The following ZFAT variants were observed in gnomAD, a reference collection of about 807,000 sequenced individuals.
ZFAT encodes zinc finger and AT-hook domain containing.
ZFAT carries 64 observed loss-of-function variants against 117.7 expected under a neutral mutation model. That is an observed-to-expected ratio of 0.54 (90% CI 0.44 to 0.67). ZFAT has a LOEUF of 0.67. ZFAT is among the 30% of genes least tolerant of loss of function. The pLI is 0.00. For missense variants in ZFAT, 1,433 were observed against 1,584.5 expected (o/e 0.90, Z 1.62); for synonymous variants, 679 against 615.0 (o/e 1.10, Z -1.54).
intron 15 of ZFAT, among the ~76,000 whole-genome samples, chr8:134,487,039 T>A (rs1275337197): frequency 6.6e-6 from 1 of 152,230 alleles, no homozygotes; most frequent in African/African-American, 2.4e-5. Flanking sequence ...TATTTGCATA[T>A]GTCTACGTGG....
the ZFAT span, among the ~76,000 whole-genome samples, chr8:134,741,999 T>C: frequency 6.6e-6 from 1 of 152,104 alleles, no homozygotes; most frequent in African/African-American, 2.4e-5. Context: ...CTGAGAACTG[T>C]GCCTCATCAG....
intron 10 of ZFAT, among the ~76,000 whole-genome samples, chr8:134,566,721 C>A (rs1824497773): frequency 6.6e-6 from 1 of 152,210 alleles, no homozygotes; most frequent in Non-Finnish European, 1.5e-5. Context: ...TTCCCCCTCC[C>A]CTCTATTCAC....
intron 14 of ZFAT, among the ~76,000 whole-genome samples, 173 bp downstream of exon 14, chr8:134,512,302 T>C (rs965345292): frequency 6.6e-6 from 1 of 152,238 alleles, no homozygotes; most frequent in Admixed American, 6.5e-5. Flanking sequence ...AGAGCATTTC[T>C]GGAGGCAGAG....
At chr8:134,687,614 G>A (rs1473108744) in intron 1 of ZFAT, among the ~76,000 whole-genome samples, 5 of 151,890 alleles carry the variant, frequency 3.3e-5, no homozygotes, top group African/African-American at 4.8e-5. Flanking sequence ...GAGGGTACAG[G>A]AACACCCCCT....
the ZFAT span, among the ~76,000 whole-genome samples, chr8:134,726,424 C>A: frequency 1.3e-5 from 2 of 152,158 alleles, no homozygotes; most frequent in African/African-American, 4.8e-5. Flanking sequence ...TGTGCACATG[C>A]TCACTTGAGG....
At chr8:134,649,010 C>A (rs545411932) in intron 2 of ZFAT, among the ~76,000 whole-genome samples, 28 of 151,008 alleles carry the variant, frequency 1.9e-4, no homozygotes, top group African/African-American at 5.6e-4. Flanking sequence ...CATATTAATA[C>A]AACAAATAAG....
intron 11 of ZFAT, among the ~76,000 whole-genome samples, chr8:134,545,954 G>A (rs16905173): frequency 0.016 from 2,495 of 152,268 alleles, 72 homozygotes; most frequent in African/African-American, 0.057. Context: ...TGGGTAAATA[G>A]GCAACAGAGG....
chr8:134,750,969 T>C, the ZFAT span, among the ~76,000 whole-genome samples: 1 of 152,238 alleles, frequency 6.6e-6, no homozygotes, highest in Non-Finnish European at 1.5e-5. Flanking sequence ...CCTAATGCTT[T>C]TTCTGCATCA....
rs570113884 is a variant in ZFAT, at chr8:134,671,693, C to G, written c.20-13956G>C. Among the ~76,000 whole-genome samples the G allele has an allele frequency of 2.2e-3, 329 of 152,288 alleles. 2 individuals are homozygous for G. Among genetic ancestry groups the G allele is most frequent in the African/African-American group, 7.5e-3 (312 of 41,570 alleles). On this transcript the variant is annotated intron_variant, in intron 1 of 15. Coordinates refer to ENST00000377838, the MANE Select transcript of ZFAT (RefSeq NM_020863.4). ...GAAGCATTCCCTTTAAAAACTGGCACAAGACAGGGATGCCCTCTCTCACCA... is the reference window on the plus strand; with the variant it reads ...GAAGCATTCCCTTTAAAAACTGGCAGAAGACAGGGATGCCCTCTCTCACCA...
At chr8:134,661,462 C>A (rs1831926255) in intron 1 of ZFAT, among the ~76,000 whole-genome samples, 1 of 152,216 alleles carries the variant, frequency 6.6e-6, no homozygotes, top group Non-Finnish European at 1.5e-5. Context: ...CCTGCGTGTC[C>A]ACACCCTGGA....
rs147660194 is a variant in ZFAT, at chr8:134,642,243, A to G, written c.197-4531T>C. 1.2e-4 allele frequency among the ~76,000 whole-genome samples: 19 copies of G among 152,314 alleles called. No homozygotes were observed. The East Asian group carries it at 3.5e-3, about 28-fold the overall frequency. On this transcript the variant is annotated intron_variant, in intron 2 of 15. Coordinates refer to ENST00000377838, the MANE Select transcript of ZFAT (RefSeq NM_020863.4). The stretch of plus-strand genomic sequence containing the variant: ...TATCTGCAGAATCACATACCCCTGA[A>G]GCATGGGTAAGAAAAGGTCAGCACT...
chr8:134,494,355 T>A (rs1301504723), intron 15 of ZFAT, among the ~76,000 whole-genome samples: 1 of 141,746 alleles, frequency 7.1e-6, no homozygotes, highest in Non-Finnish European at 1.6e-5. Flanking sequence ...GCTGGTGGCT[T>A]TGTCAGCCTG....
intron 7 of ZFAT, among the ~76,000 whole-genome samples, chr8:134,591,807 CAG>C (rs1386683190): frequency 6.6e-6 from 1 of 152,192 alleles, no homozygotes; most frequent in Non-Finnish European, 1.5e-5. Context: ...ACCTGAAGCT[CAG>C]AGAGGCATGG....
At chr8:134,774,423 T>C in the ZFAT span, among the ~76,000 whole-genome samples, 4 of 152,198 alleles carry the variant, frequency 2.6e-5, no homozygotes, top group African/African-American at 9.7e-5. Flanking sequence ...TCTTTTGACA[T>C]TGCCACAGCA....
chr8:134,608,946 CA>C, intron 4 of ZFAT, 67 bp from the exon 5 acceptor site: 2 of 1,535,806 alleles, frequency 1.3e-6, no homozygotes, highest in South Asian at 2.6e-5. Flanking sequence ...CCCATCGCAG[CA>C]GAGGGGATGG....
At chr8:134,686,051 A>C (rs948497081) in intron 1 of ZFAT, among the ~76,000 whole-genome samples, 1 of 152,206 alleles carries the variant, frequency 6.6e-6, no homozygotes, top group Non-Finnish European at 1.5e-5. Context: ...AGGTGGAGTC[A>C]CTGCTGCTGC....
chr8:134,666,530 T>C (rs1408384460), intron 1 of ZFAT, among the ~76,000 whole-genome samples: 1 of 152,022 alleles, frequency 6.6e-6, no homozygotes, highest in African/African-American at 2.4e-5. Flanking sequence ...AAAGTAACCA[T>C]CACAAAAATG....
the ZFAT span, chr8:134,795,117 T>C: frequency 5.3e-5 from 8 of 152,214 alleles, no homozygotes; most frequent in South Asian, 2.1e-4. Context: ...TTGTGAAATA[T>C]ATATTTGCTC....
In ZFAT at chr8:134,478,518, C is replaced by T. The variant is rs913682150; in HGVS notation, c.3696G>A (p.Glu1232=). The change falls in exon 16 of 16, where the codon GAG becomes GAA. Residue 1232 remains glutamate, a synonymous_variant. Transcript: ENST00000377838. The surrounding 1 kb of genome is among the most constrained non-coding windows in gnomAD (Gnocchi z 5.2). ...VYVQEAMQPV[E]EQAVEQPAQE... The stretch of plus-strand genomic sequence containing the variant: ...GGGCCGGCTGCTCCACAGCCTGCTC[C>T]TCCACAGGCTGCATGGCCTCCTGCA... 1.3e-6 allele frequency: 2 copies of T among 1,585,276 alleles called. No homozygotes were observed. The highest frequency in any genetic ancestry group is 1.2e-5 in the South Asian group (1 of 86,536).
Sources: allele counts gnomAD v4.1 joint callset (sites outside exome capture counted in the v4.1 genomes callset), GRCh38; gene constraint gnomAD v4.1.1; non-coding constraint Gnocchi (gnomAD v3.1); transcripts MANE v1.5; gene names NCBI Gene and HGNC (gene_info 2026-07-23, HGNC 2026-07-21).